SIAH3: variants seen among roughly 807,000 people sequenced by gnomAD.
SIAH3 encodes siah E3 ubiquitin protein ligase family member 3, also known as seven in absentia homolog 3.
SIAH3 carries 9 observed loss-of-function variants against 12.6 expected under a neutral mutation model. The ratio of observed to expected loss-of-function variants is 0.72; its 90% CI spans 0.43 to 1.25. The LOEUF (loss-of-function observed/expected upper bound fraction) is 1.25. SIAH3 is among the 50% of genes most tolerant of loss of function. The pLI, the probability that SIAH3 is intolerant of heterozygous loss-of-function variation, is 0.00. For missense variants in SIAH3, 390 were observed against 365.4 expected (o/e 1.07, Z -0.55); for synonymous variants, 154 against 151.1 (o/e 1.02, Z -0.14).
chr13:45,844,583 A>T (rs1461438008), intron 1 of SIAH3, among the ~76,000 whole-genome samples: 1 of 152,174 alleles, frequency 6.6e-6, no homozygotes, highest in Non-Finnish European at 1.5e-5. Flanking sequence ...ATGCCATGGG[A>T]CTACTAAGCC....
chr13:45,833,421 G>C (rs115248677), intron 1 of SIAH3, among the ~76,000 whole-genome samples: 1,598 of 152,098 alleles, frequency 0.011, 25 homozygotes, highest in African/African-American at 0.037. Context: ...CCAGCTGCTT[G>C]CCATGACAGT....
At chr13:45,845,732 A>T (rs1950757111) in intron 1 of SIAH3, among the ~76,000 whole-genome samples, 1 of 152,062 alleles carries the variant, frequency 6.6e-6, no homozygotes, top group South Asian at 2.1e-4. Flanking sequence ...TTTTTCCATA[A>T]TTATATTTTT....
Position 45,783,940 on chromosome 13 carries a change from CGTGGTGGCGGAGGTGGTGGTGGTGGCG to C in SIAH3, c.226_252del (p.Arg76_His84del), listed in dbSNP as rs1950516032. 3.7e-6 allele frequency: 6 copies of C among 1,602,684 alleles called. No individual in the cohort carries two copies. Among genetic ancestry groups the C allele is most frequent in the Non-Finnish European group, 3.4e-6 (4 of 1,174,872 alleles). On this transcript the variant is annotated inframe_deletion, in exon 2 of 2. Transcript: ENST00000400405. ...TGGTGGTGAAGGTGGTGGGGGTGGG[CGTGGTGGCGGAGGTGGTGGTGGTGGCG>C]GTGGTGGCAGTGGTGGTGGGAGAGA...
chr13:45,842,879 AG>A lies in SIAH3; in HGVS notation c.135+8615del, dbSNP rs1950745081. Among the ~76,000 whole-genome samples, 5 of 152,238 alleles carry A rather than the reference AG, an allele frequency of 3.3e-5. No homozygotes were observed. The South Asian group carries it at 1.0e-3, about 32-fold the overall frequency. Reference sequence around the variant, plus strand: ...TTGGTTACAGACTGGGTGGGGAAGAAGGGTCTTGTTTATCTCTATTTGTTCT... The same window carrying A: ...TTGGTTACAGACTGGGTGGGGAAGAAGGTCTTGTTTATCTCTATTTGTTCT... On this transcript the variant is annotated intron_variant, in intron 1 of 1. Transcript: ENST00000400405.
rs1593373314 is a variant in SIAH3 at position 45,783,250 on chromosome 13, A to T, written c.*133T>A. Reference sequence around the variant, plus strand: ...ATCTCACAAAGTACCTGAGACAAAAAAATAATAATAATTAAAAATTAAAAA... The same window carrying T: ...ATCTCACAAAGTACCTGAGACAAAATAATAATAATAATTAAAAATTAAAAA... On this transcript the variant is annotated 3_prime_UTR_variant, in exon 2 of 2. Transcript: ENST00000400405. 7.1e-6 allele frequency: 4 copies of T among 566,442 alleles called. No homozygotes were observed. The highest frequency in any genetic ancestry group is 2.0e-5 in the African/African-American group (1 of 50,318). 35.1% of individuals were successfully genotyped at this position (566,442 alleles called of 1,614,324 possible).
intron 1 of SIAH3, among the ~76,000 whole-genome samples, chr13:45,813,033 C>T (rs2137565216): frequency 6.6e-6 from 1 of 152,316 alleles, no homozygotes; most frequent in African/African-American, 2.4e-5. Context: ...AGGGGGTGTC[C>T]TGCCCTGGCT....
At chr13:45,841,495 A>C (rs1950739978) in intron 1 of SIAH3, among the ~76,000 whole-genome samples, 1 of 152,178 alleles carries the variant, frequency 6.6e-6, no homozygotes, top group Admixed American at 6.5e-5. Context: ...CACAGCTGGA[A>C]ACAGCCCTGC....
chr13:45,844,961 C>T (rs1380390524), intron 1 of SIAH3, among the ~76,000 whole-genome samples: 1 of 152,206 alleles, frequency 6.6e-6, no homozygotes, highest in Admixed American at 6.5e-5. Flanking sequence ...CACAACCACT[C>T]TCCAAATACA....
At chr13:45,833,952 C>G (rs977322510) in intron 1 of SIAH3, among the ~76,000 whole-genome samples, 1 of 151,506 alleles carries the variant, frequency 6.6e-6, no homozygotes, top group African/African-American at 2.4e-5. Flanking sequence ...TTCTCAGAAG[C>G]TGTTCTTGCA....
chr13:45,841,053 G>A (rs889796473), intron 1 of SIAH3, among the ~76,000 whole-genome samples: 4 of 152,146 alleles, frequency 2.6e-5, no homozygotes, highest in Non-Finnish European at 5.9e-5. Context: ...TATTGTGTGT[G>A]TAACTAATAC....
chr13:45,851,087 C>A (rs768665706), intron 1 of SIAH3, among the ~76,000 whole-genome samples: 1 of 150,028 alleles, frequency 6.7e-6, no homozygotes. Context: ...TGTTTGACCA[C>A]CTCTCCCAAC....
intron 1 of SIAH3, among the ~76,000 whole-genome samples, chr13:45,817,043 C>G (rs79073104): frequency 0.018 from 2,734 of 152,214 alleles, 86 homozygotes; most frequent in African/African-American, 0.061. Flanking sequence ...ATATCACTGG[C>G]TTTTTAGTAT....
chr13:45,785,677 C>T (rs1293391897), intron 1 of SIAH3, among the ~76,000 whole-genome samples: 1 of 152,220 alleles, frequency 6.6e-6, no homozygotes, highest in Non-Finnish European at 1.5e-5. Context: ...CAGATCAGCT[C>T]TCCTCTCCAG....
chr13:45,784,884 G>A (rs183050399), intron 1 of SIAH3, among the ~76,000 whole-genome samples: 2,038 of 152,344 alleles, frequency 0.013, 24 homozygotes, highest in Middle Eastern at 0.037. Context: ...AGCATCTGCT[G>A]TGGCCAGGGC....
intron 1 of SIAH3, among the ~76,000 whole-genome samples, chr13:45,846,663 C>A (rs916428939): frequency 1.3e-5 from 2 of 152,112 alleles, no homozygotes; most frequent in Non-Finnish European, 2.9e-5. Context: ...GAAAGCTTTC[C>A]GTATCTATTT....
Position 45,783,690 on chromosome 13 carries a change from A to G in SIAH3, c.503T>C (p.Leu168Pro), listed in dbSNP as rs1312513602. ...IMHSCLGHHF[L>P]LVLRKQERHE... Reference sequence around the variant, plus strand: ...CCTCTCCTGTTTCCTCAGCACCAACAGAAAGTGGTGGCCAAGGCAGGAGTG... The same window carrying G: ...CCTCTCCTGTTTCCTCAGCACCAACGGAAAGTGGTGGCCAAGGCAGGAGTG... Residue 168 changes from leucine (L) to proline (P), a missense_variant, in exon 2 of 2, where the codon CTG (leucine) becomes CCG (proline). Leu to Pro is a moderately conservative substitution (Grantham distance 98). Transcript: ENST00000400405. 2.5e-6 allele frequency: 4 copies of G among 1,614,008 alleles called. No homozygotes were observed. The highest frequency in any genetic ancestry group is 3.4e-6 in the Non-Finnish European group (4 of 1,180,004).
intron 1 of SIAH3, among the ~76,000 whole-genome samples, chr13:45,815,896 C>A (rs902185763): frequency 3.9e-5 from 6 of 152,188 alleles, no homozygotes; most frequent in African/African-American, 1.4e-4. Flanking sequence ...ACAGGGCATC[C>A]CCACAACAAA....
At chr13:45,846,253 C>A (rs2045684400) in intron 1 of SIAH3, among the ~76,000 whole-genome samples, 2 of 151,872 alleles carry the variant, frequency 1.3e-5, no homozygotes, top group Admixed American at 1.3e-4. Flanking sequence ...CCATGCCCAG[C>A]TAATTTTCGT....
At chr13:45,827,129 C>A (rs186204179) in intron 1 of SIAH3, among the ~76,000 whole-genome samples, 2 of 152,276 alleles carry the variant, frequency 1.3e-5, no homozygotes, top group Admixed American at 1.3e-4. Flanking sequence ...AGTTCTGATG[C>A]CTGTGTGACT....
Sources: allele counts gnomAD v4.1 joint callset (sites outside exome capture counted in the v4.1 genomes callset), GRCh38; gene constraint gnomAD v4.1.1; transcripts MANE v1.5; gene names NCBI Gene and HGNC (gene_info 2026-07-23, HGNC 2026-07-21).